The following PLXDC2 variants were observed in gnomAD, a reference collection of about 807,000 sequenced individuals.
PLXDC2 encodes plexin domain containing 2.
A neutral mutation model predicts 68.9 loss-of-function variants in PLXDC2; 40 were observed. The ratio of observed to expected loss-of-function variants is 0.58; its 90% CI spans 0.45 to 0.76. The LOEUF (loss-of-function observed/expected upper bound fraction) is 0.76. PLXDC2 is among the 30% of genes least tolerant of loss of function. The pLI is 0.00. For missense variants in PLXDC2, 644 were observed against 661.9 expected, an observed-to-expected ratio of 0.97 and a Z score of 0.30; for synonymous variants, 243 against 234.2, an observed-to-expected ratio of 1.04 and a Z score of -0.34.
At position 19,844,596 on chromosome 10, in the gene PLXDC2, AT is replaced by A. The variant is rs375508398; in HGVS notation, c.112+27414del. 3.2e-3 allele frequency among the ~76,000 whole-genome samples: 443 copies of A among 136,570 alleles called. 1 individual carries two copies. The highest frequency in any genetic ancestry group is 9.5e-3 in the African/African-American group (375 of 39,652). The allele number at this position is 136,570 out of a possible 152,430, so 89.6% of individuals were successfully genotyped here. On this transcript the variant is annotated intron_variant, in intron 1 of 13. Coordinates refer to ENST00000377252, the MANE Select transcript of PLXDC2 (RefSeq NM_032812.9). ...TTTATTTTTATTTTTATTTTTCAAT[AT>A]TTTTTTTTCTTTTTTCTTTTTGAGG...
At chr10:19,848,137 A>T (rs1564608157) in intron 1 of PLXDC2, among the ~76,000 whole-genome samples, 1 of 151,984 alleles carries the variant, frequency 6.6e-6, no homozygotes, top group Non-Finnish European at 1.5e-5. Flanking sequence ...TCTCTATAAA[A>T]TTTCTTTTTA....
rs1166142869 is a variant in PLXDC2, at chr10:20,281,346, A to G, written c.*1527A>G. ...ATTCAGGTACTGAGTGTACAATTTC[A>G]CCAACATTCTAACCCATGAAACTTT... On this transcript the variant is annotated 3_prime_UTR_variant, in exon 14 of 14. Transcript: ENST00000377252. 6.6e-6 allele frequency: 1 copy of G among 152,160 alleles called. No individual in the cohort carries two copies. Among genetic ancestry groups the G allele is most frequent in the Non-Finnish European group, 1.5e-5 (1 of 68,016 alleles). The allele number at this position is 152,160 out of a possible 1,614,324, so 9.4% of individuals were successfully genotyped here. A position where few individuals can be genotyped will look rare whatever the true frequency, so the allele number is the denominator to read the frequency against.
At chr10:20,197,220 A>C (rs917792644) in intron 9 of PLXDC2, among the ~76,000 whole-genome samples, 1 of 152,204 alleles carries the variant, frequency 6.6e-6, no homozygotes, top group African/African-American at 2.4e-5. Context: ...AAAGTAAAAA[A>C]TATGCAACAT....
At chr10:19,978,205 A>G (rs1026831866) in intron 1 of PLXDC2, among the ~76,000 whole-genome samples, 1 of 152,178 alleles carries the variant, frequency 6.6e-6, no homozygotes, top group African/African-American at 2.4e-5. Context: ...TGAGTTTTAT[A>G]GTAATAGCAG....
chr10:19,868,269 C>T (rs1837459611), intron 1 of PLXDC2, among the ~76,000 whole-genome samples: 1 of 152,138 alleles, frequency 6.6e-6, no homozygotes, highest in Non-Finnish European at 1.5e-5. Flanking sequence ...TCTCTCTCCT[C>T]CCACCCGCCA....
intron 1 of PLXDC2, among the ~76,000 whole-genome samples, chr10:19,935,553 A>G: frequency 6.6e-6 from 1 of 152,166 alleles, no homozygotes; most frequent in South Asian, 2.1e-4. Context: ...TTTGGCTGCA[A>G]TGCACACATC....
intron 12 of PLXDC2, among the ~76,000 whole-genome samples, chr10:20,231,899 C>G (rs1417059088): frequency 6.6e-6 from 1 of 151,930 alleles, no homozygotes; most frequent in Admixed American, 6.6e-5. Flanking sequence ...CGCCTGTAGT[C>G]CCAGCTATGT....
intron 2 of PLXDC2, among the ~76,000 whole-genome samples, chr10:20,014,743 G>T (rs1220330294): frequency 6.6e-6 from 1 of 152,038 alleles, no homozygotes; most frequent in Non-Finnish European, 1.5e-5. Flanking sequence ...CCATTTCAAG[G>T]ATTTTAAAAA....
intron 5 of PLXDC2, among the ~76,000 whole-genome samples, chr10:20,147,295 C>T (rs1460836235): frequency 6.6e-6 from 1 of 152,030 alleles, no homozygotes; most frequent in Admixed American, 6.5e-5. Flanking sequence ...GAGAAAATTC[C>T]CATTAGTGTT....
intron 2 of PLXDC2, among the ~76,000 whole-genome samples, chr10:20,024,355 T>C (rs1835362080): frequency 6.6e-6 from 1 of 152,176 alleles, no homozygotes; most frequent in Non-Finnish European, 1.5e-5. Context: ...TGTTGAACTT[T>C]GGATTTTATG....
intron 2 of PLXDC2, among the ~76,000 whole-genome samples, chr10:20,017,091 A>G (rs1835225436): frequency 6.6e-6 from 1 of 152,156 alleles, no homozygotes; most frequent in Non-Finnish European, 1.5e-5. Context: ...AGAGAGAGGC[A>G]GAGAGAGATA....
chr10:19,871,627 C>T (rs965242340), intron 1 of PLXDC2, among the ~76,000 whole-genome samples: 1 of 152,042 alleles, frequency 6.6e-6, no homozygotes, highest in African/African-American at 2.4e-5. Context: ...GATGCATAAT[C>T]CCAGCACTTT....
At chr10:19,868,892 A>C (rs2131341011) in intron 1 of PLXDC2, among the ~76,000 whole-genome samples, 1 of 152,340 alleles carries the variant, frequency 6.6e-6, no homozygotes, top group African/African-American at 2.4e-5. Flanking sequence ...GCAAACCTTA[A>C]GTTAAAATAT....
In PLXDC2 at chr10:20,177,028, CA is replaced by C; in HGVS notation, c.914del (p.His305ProfsTer3). The part of the protein sequence containing the change: ...NVRRRTIYEY[H>X]RVELQMSKIT... ...TCGAAGAAGAACAATTTATGAATAC[CA>C]CCGAGTAGAGCTACAAATGTCAAAA... On this transcript the variant is annotated frameshift_variant, in exon 8 of 14. Transcript: ENST00000377252. LOFTEE classifies it high-confidence loss of function. 1 of 1,610,536 alleles carries C rather than the reference CA, an allele frequency of 6.2e-7. No individual in the cohort carries two copies. The highest frequency in any genetic ancestry group is 8.5e-7 in the Non-Finnish European group (1 of 1,178,618).
intron 13 of PLXDC2, among the ~76,000 whole-genome samples, chr10:20,267,868 C>T (rs1256513239): frequency 1.3e-5 from 2 of 150,334 alleles, no homozygotes; most frequent in Non-Finnish European, 3.0e-5. Flanking sequence ...TGAAGTGTTG[C>T]AAACAGGATT....
chr10:19,960,821 A>G (rs1286369928), intron 1 of PLXDC2, among the ~76,000 whole-genome samples: 1 of 152,260 alleles, frequency 6.6e-6, no homozygotes, highest in Non-Finnish European at 1.5e-5. Context: ...TGCTATTTGC[A>G]TAATCAGTTG....
rs578113653 is a variant in PLXDC2 at position 19,858,063 on chromosome 10, G to A, written c.112+40872G>A. Among the ~76,000 whole-genome samples, 3 of 152,242 alleles carry A rather than the reference G, an allele frequency of 2.0e-5. No homozygotes were observed. In the East Asian group the frequency reaches 5.8e-4, roughly 29 times the overall value. On this transcript the variant is annotated intron_variant, in intron 1 of 13. Transcript: ENST00000377252. ...TATTACTGTTGTTTGGGAGCAACAT[G>A]CAGCTAGGTTGGCCAAACGCTCATC...
intron 4 of PLXDC2, among the ~76,000 whole-genome samples, chr10:20,140,275 G>A (rs1409602449): frequency 1.3e-5 from 2 of 151,630 alleles, no homozygotes; most frequent in African/African-American, 2.4e-5. Flanking sequence ...CTCCAGCCTG[G>A]GCGACAGAGC....
At chr10:19,849,163 A>G (rs11593785) in intron 1 of PLXDC2, among the ~76,000 whole-genome samples, 7,266 of 152,248 alleles carry the variant, frequency 0.048, 217 homozygotes, top group Middle Eastern at 0.11. Context: ...TATTTTTATT[A>G]CAAAAGAAAC....
Sources: allele counts gnomAD v4.1 joint callset (sites outside exome capture counted in the v4.1 genomes callset), GRCh38; gene constraint gnomAD v4.1.1; transcripts MANE v1.5; gene names NCBI Gene and HGNC (gene_info 2026-07-23, HGNC 2026-07-21).